Variants in TTC3 observed in about 807,000 individuals in gnomAD.
TTC3 encodes the protein tetratricopeptide repeat domain 3, also known as E3 ubiquitin-protein ligase TTC3.
TTC3 carries 180 observed loss-of-function variants against 249.6 expected under a neutral mutation model. The observed-to-expected ratio is 0.72, with a 90% confidence interval of 0.64 to 0.82. The LOEUF (loss-of-function observed/expected upper bound fraction) is 0.82, where lower values mean the gene tolerates loss of function less well. TTC3 is among the 40% of genes least tolerant of loss of function. The pLI is 0.00. For missense variants in TTC3, 2,061 were observed against 2,398.4 expected (o/e 0.86, Z 2.94); for synonymous variants, 717 against 805.0 (o/e 0.89, Z 1.85).
chr21:37,141,945 A>G (rs2147964828), intron 20 of TTC3, among the ~76,000 whole-genome samples: 1 of 152,360 alleles, frequency 6.6e-6, no homozygotes, highest in East Asian at 1.9e-4. Context: ...GGCTGGTTCA[A>G]CATACACAAA....
At chr21:37,102,380 T>A (rs1601428428) in intron 10 of TTC3, among the ~76,000 whole-genome samples, 1 of 152,192 alleles carries the variant, frequency 6.6e-6, no homozygotes, top group East Asian at 1.9e-4. Flanking sequence ...TGCATACTTT[T>A]TATGGTATGG....
intron 11 of TTC3, among the ~76,000 whole-genome samples, chr21:37,115,198 A>AATG (rs1383209517): frequency 1.3e-5 from 2 of 150,022 alleles, no homozygotes; most frequent in East Asian, 3.9e-4. Flanking sequence ...TAATAATAAT[A>AATG]ATAAAGAAAC....
intron 1 of TTC3, among the ~76,000 whole-genome samples, chr21:37,080,368 AT>A (rs33918132): frequency 0.058 from 8,422 of 144,416 alleles, 279 homozygotes; most frequent in South Asian, 0.077. Context: ...TCTTTTTAGC[AT>A]TTTTTTTTTT....
chr21:37,096,597 C>A (rs1353804749), exon 10 of TTC3: 2 of 1,612,372 alleles, frequency 1.2e-6, no homozygotes, highest in South Asian at 2.2e-5. Flanking sequence ...AAACTACCTT[C>A]TTTATGGTAA....
intron 34 of TTC3, among the ~76,000 whole-genome samples, chr21:37,171,943 T>G (rs2081838105): frequency 6.6e-6 from 1 of 152,230 alleles, no homozygotes. Flanking sequence ...GGAGGACAGT[T>G]ACCTGCAGCT....
chr21:37,150,774 C>A, intron 24 of TTC3, 46 bp from the exon 25 acceptor site: 1 of 1,307,266 alleles, frequency 7.6e-7, no homozygotes, highest in South Asian at 1.2e-5. Flanking sequence ...TGTTTTATGT[C>A]ATGGGAGTAT....
exon 35 of TTC3, chr21:37,172,608 G>T: frequency 6.2e-7 from 1 of 1,607,420 alleles, no homozygotes; most frequent in Non-Finnish European, 8.5e-7. Flanking sequence ...GAAATTTCAC[G>T]GATTGAAAAG....
chr21:37,090,463 C>T (rs933577876), intron 6 of TTC3, 177 bp downstream of exon 6: 21 of 626,794 alleles, frequency 3.4e-5, no homozygotes, highest in Non-Finnish European at 4.1e-5. Flanking sequence ...GGATCATTTT[C>T]TCTCTTTTTT....
rs776142427 is a variant in TTC3, at chr21:37,144,602, C to T, written c.1850C>T (p.Thr617Met). The T allele has an allele frequency of 9.9e-6, 16 of 1,611,372 alleles. No individual in the cohort carries two copies. Among genetic ancestry groups the T allele is most frequent in the Admixed American group, 3.4e-5 (2 of 59,608 alleles). ...CTTCCTGGAGTGTTAACTTGGCCCA[C>T]GAGTAATGTGATTATTGAAGAGTCT... The change falls in exon 21 of 46, where the codon ACG becomes ATG. Residue 617 changes from threonine to methionine, a missense_variant. Transcript: ENST00000355666.
chr21:37,159,202 C>T (rs60699259), intron 28 of TTC3, among the ~76,000 whole-genome samples: 2,226 of 152,028 alleles, frequency 0.015, 129 homozygotes, highest in Admixed American at 0.11. Flanking sequence ...CCATGCCCCA[C>T]CCCTTTGCTT....
At chr21:37,192,326 G>A in intron 41 of TTC3, 113 bp downstream of exon 41, 1 of 647,134 alleles carries the variant, frequency 1.5e-6, no homozygotes, top group Non-Finnish European at 2.6e-6. Context: ...GTTAATAATT[G>A]CCTTAATGTT....
intron 24 of TTC3, 110 bp downstream of exon 24, chr21:37,150,280 G>GA: frequency 2.6e-6 from 2 of 774,556 alleles, no homozygotes; most frequent in South Asian, 3.3e-5. Context: ...TTCCAGGAAA[G>GA]AAACAATTAC....
At chr21:37,102,429 A>G (rs1426690705) in intron 10 of TTC3, among the ~76,000 whole-genome samples, 1 of 152,230 alleles carries the variant, frequency 6.6e-6, no homozygotes, top group Non-Finnish European at 1.5e-5. Context: ...TTTCCCTTCC[A>G]AGTCCAGAAT....
At chr21:37,130,458 A>G (rs1020517945) in intron 16 of TTC3, among the ~76,000 whole-genome samples, 1 of 152,200 alleles carries the variant, frequency 6.6e-6, no homozygotes, top group Non-Finnish European at 1.5e-5. Context: ...TTTATTAGGT[A>G]ATATCTACCA....
intron 11 of TTC3, among the ~76,000 whole-genome samples, chr21:37,116,541 G>A (rs1238837527): frequency 6.6e-6 from 1 of 151,870 alleles, no homozygotes; most frequent in Non-Finnish European, 1.5e-5. Flanking sequence ...AGGCATGATG[G>A]CTCACACCTG....
At chr21:37,087,902 A>G in intron 3 of TTC3, 27 bp downstream of exon 3, 1 of 1,547,326 alleles carries the variant, frequency 6.5e-7, no homozygotes, top group Non-Finnish European at 8.9e-7. Flanking sequence ...TTTTAATGTT[A>G]ATTTATGGAA....
intron 36 of TTC3, among the ~76,000 whole-genome samples, chr21:37,183,288 T>G (rs952636301): frequency 7.2e-5 from 11 of 152,206 alleles, no homozygotes; most frequent in African/African-American, 2.7e-4. Context: ...CTGTGATGAT[T>G]ATTTATAATT....
chr21:37,191,183 A>G (rs1395526540), intron 39 of TTC3, 151 bp from the exon 40 acceptor site: 1 of 491,162 alleles, frequency 2.0e-6, no homozygotes, highest in Non-Finnish European at 3.5e-6. Flanking sequence ...TGGCAAGTTT[A>G]CAAGATAAGC....
intron 27 of TTC3, among the ~76,000 whole-genome samples, chr21:37,156,145 C>G (rs373203761): frequency 6.6e-6 from 1 of 151,748 alleles, no homozygotes; most frequent in African/African-American, 2.4e-5. Context: ...CAAGCAGTAC[C>G]CCCACCTCAG....
Sources: allele counts gnomAD v4.1 joint callset (sites outside exome capture counted in the v4.1 genomes callset), GRCh38; gene constraint gnomAD v4.1.1; transcripts MANE v1.5; gene names NCBI Gene and HGNC (gene_info 2026-07-23, HGNC 2026-07-21).